Variants in TTYH1 observed in about 807,000 individuals in gnomAD.
TTYH1 encodes the protein tweety family member 1.
TTYH1 carries 33 observed loss-of-function variants against 61.2 expected under a neutral mutation model. The observed-to-expected ratio is 0.54, with a 90% CI of 0.41 to 0.72. The LOEUF (loss-of-function observed/expected upper bound fraction) is 0.72, where lower values mean the gene tolerates loss of function less well. Among genes scored for constraint, TTYH1 ranks in the 30% least tolerant of loss-of-function variants. The pLI is 0.00. For missense variants in TTYH1, 538 were observed against 575.8 expected (o/e 0.93, Z 0.67); for synonymous variants, 308 against 266.4 (o/e 1.16, Z -1.52).
Position 54,429,083 on chromosome 19 carries a change from C to T in TTYH1, c.735-224C>T, listed in dbSNP as rs2083383573. Among the ~76,000 whole-genome samples, 1 of 152,144 alleles carries T rather than the reference C, an allele frequency of 6.6e-6. No individual in the cohort carries two copies. Among genetic ancestry groups the T allele is most frequent in the African/African-American group, 2.4e-5 (1 of 41,452 alleles). ...CGACCACCCAGCCCAGGGCCCTGCT[C>T]ATACCCCACACCCTGCTCATCTGGG... On this transcript the variant is annotated intron_variant, in intron 5 of 13. Transcript: ENST00000376530. This position sits in a 1 kb window ranked among gnomAD's most constrained non-coding sequence, Gnocchi z 5.1.
chr19:54,418,781 A>C, intron 1 of TTYH1: 1 of 163,696 alleles, frequency 6.1e-6, no homozygotes, highest in Non-Finnish European at 1.3e-5. Context: ...GGTCCTTGGG[A>C]AAACCTCCAT....
chr19:54,422,274 C>A lies in TTYH1; in HGVS notation c.502C>A (p.Leu168Met). The A allele has an allele frequency of 6.4e-7, 1 of 1,567,102 alleles. No homozygotes were observed. Among genetic ancestry groups the A allele is most frequent in the Non-Finnish European group, 8.6e-7 (1 of 1,156,420 alleles). The stretch of plus-strand genomic sequence containing the variant: ...GGAGGTGCTCGAGCCGCGCACGGAG[C>A]TGGTGGCTGCCGCCCGAGGGGCTCG... ...LEEVLEPRTELVAAARGARRQ... is the reference protein window; with the variant it reads ...LEEVLEPRTEMVAAARGARRQ... Residue 168 changes from leucine to methionine, a missense_variant, in exon 4 of 14, where the codon CTG (leucine) becomes ATG (methionine). Physicochemically the swap from Leu to Met is conservative, Grantham distance 15. Transcript: ENST00000376530.
intron 1 of TTYH1, chr19:54,418,346 C>G (rs545867136): frequency 6.6e-6 from 1 of 152,514 alleles, no homozygotes; most frequent in South Asian, 2.1e-4. Context: ...CCATAGTGTT[C>G]TCACGCTCTC....
At chr19:54,428,130 T>C (rs974353523) in intron 5 of TTYH1, among the ~76,000 whole-genome samples, 1 of 144,660 alleles carries the variant, frequency 6.9e-6, no homozygotes, top group African/African-American at 2.6e-5. Context: ...GCTCTTGTTG[T>C]CCAGGCTGGA....
rs1048192852 is a variant in TTYH1 at position 54,416,310 on chromosome 19, T to C, written c.126+632T>C. The C allele has an allele frequency of 3.7e-6, 1 of 266,798 alleles. No homozygotes were observed. Among genetic ancestry groups the C allele is most frequent in the African/African-American group, 2.3e-5 (1 of 43,716 alleles). 16.5% of individuals were successfully genotyped at this position (266,798 alleles called of 1,614,324 possible). A position where few individuals can be genotyped will look rare whatever the true frequency, so the allele number is the denominator to read the frequency against. ...GGTGAGGGCCGAGATGAGGCTGGGT[T>C]TGGGGAGCCTCGGGATGACAGACCC... On this transcript the variant is annotated intron_variant, in intron 1 of 13. Coordinates refer to ENST00000376530, the MANE Select transcript of TTYH1 (RefSeq NM_020659.4). The surrounding 1 kb of genome is among the most constrained non-coding windows in gnomAD (Gnocchi z 7.0).
rs1027068873 is a variant in TTYH1, at chr19:54,419,580, G to C, written c.305+274G>C. 3.7e-5 allele frequency: 25 copies of C among 672,824 alleles called. No individual in the cohort carries two copies. In the Admixed American group the frequency reaches 5.1e-4, roughly 14 times the overall value. The allele number at this position is 672,824 out of a possible 1,614,324, so 41.7% of individuals were successfully genotyped here. A position where few individuals can be genotyped will look rare whatever the true frequency, so the allele number is the denominator to read the frequency against. ...AGGGGCAGTCAGATGGCCTGGTTTTGGTGGCTCTCCCATTGAATAGCTGTG... is the reference window on the plus strand; with the variant it reads ...AGGGGCAGTCAGATGGCCTGGTTTTCGTGGCTCTCCCATTGAATAGCTGTG... On this transcript the variant is annotated intron_variant, in intron 2 of 13. Transcript: ENST00000376530. The surrounding 1 kb of genome is among the most constrained non-coding windows in gnomAD (Gnocchi z 6.1).
rs1396431373 is a variant in TTYH1, at chr19:54,417,959, TAAA to T, written c.127-1166_127-1164del. Among the ~76,000 whole-genome samples the T allele has an allele frequency of 2.0e-5, 3 of 151,266 alleles. No individual in the cohort carries two copies. The East Asian group carries it at 5.9e-4, about 30-fold the overall frequency. ...TCATCTCATGGAGACAGCCCAAAGA[TAAA>T]AACATCCAGTCTCAACCAGAAACAC... On this transcript the variant is annotated intron_variant, in intron 1 of 13. Transcript: ENST00000376530.
At chr19:54,424,929 G>C (rs537121171) in intron 4 of TTYH1, among the ~76,000 whole-genome samples, 14 of 152,136 alleles carry the variant, frequency 9.2e-5, no homozygotes, top group Admixed American at 6.5e-4. Flanking sequence ...CAAGATCGTG[G>C]TGGCCACTTC....
In TTYH1 at chr19:54,429,837, C is replaced by T. The variant is rs778794297; in HGVS notation, c.808-45C>T. 15 of 1,561,762 alleles carry T rather than the reference C, an allele frequency of 9.6e-6. No homozygotes were observed. Among genetic ancestry groups the T allele is most frequent in the Admixed American group, 3.4e-5 (2 of 59,340 alleles). On this transcript the variant is annotated intron_variant, in intron 6 of 13. Coordinates refer to ENST00000376530, the MANE Select transcript of TTYH1 (RefSeq NM_020659.4). This position sits in a 1 kb window ranked among gnomAD's most constrained non-coding sequence, Gnocchi z 5.1. ...ACTGGGTGCTGTGGGAGTGTGGAAT[C>T]GGGGCAGTTTTGGGTTTGAGCCCCT...
chr19:54,425,246 G>A (rs1011741788), intron 4 of TTYH1, among the ~76,000 whole-genome samples: 4 of 152,132 alleles, frequency 2.6e-5, no homozygotes, highest in African/African-American at 4.8e-5. Context: ...GGTCTGCGAC[G>A]GCGGCAAACA....
chr19:54,417,745 A>G (rs1327486523), intron 1 of TTYH1, among the ~76,000 whole-genome samples: 3 of 151,820 alleles, frequency 2.0e-5, no homozygotes, highest in African/African-American at 4.8e-5. Context: ...CATATTGACT[A>G]TAGCATTCAT....
At position 54,429,853 on chromosome 19, in the gene TTYH1, T is replaced by A; in HGVS notation, c.808-29T>A. 6.2e-7 allele frequency: 1 copy of A among 1,609,556 alleles called. No individual in the cohort carries two copies. The highest frequency in any genetic ancestry group is 1.1e-5 in the South Asian group (1 of 90,854). ...GTGTGGAATCGGGGCAGTTTTGGGT[T>A]TGAGCCCCTTTTCTGCTGCCTCACG... On this transcript the variant is annotated intron_variant, in intron 6 of 13. Coordinates refer to ENST00000376530, the MANE Select transcript of TTYH1 (RefSeq NM_020659.4). The surrounding 1 kb of genome is among the most constrained non-coding windows in gnomAD (Gnocchi z 5.1).
rs369401625 is a variant in TTYH1, at chr19:54,430,860, G to A, written c.987G>A (p.Leu329=). The A allele has an allele frequency of 1.9e-6, 3 of 1,613,812 alleles. No individual in the cohort carries two copies. The highest frequency in any genetic ancestry group is 3.3e-5 in the Admixed American group (2 of 60,018). Residue 329 remains leucine, a synonymous_variant, in exon 9 of 14, where the codon CTG becomes CTA. Coordinates refer to ENST00000376530, the MANE Select transcript of TTYH1 (RefSeq NM_020659.4). ...QRALANIHSQ[L]LGLEREAVPQ... ...CTCTGGCCAACATCCACTCCCAGCT[G>A]CTGGGCCTGGAGCGAGAAGCTGTGC...
chr19:54,416,012 GTAGGTCTACTCTTCCTGCCC>G lies in TTYH1; in HGVS notation c.126+337_126+356del, dbSNP rs1433820021. ...GCCGGCCTCCAGGGTCATCGGGAGG[GTAGGTCTACTCTTCCTGCCC>G]TAAAAGATGACCCTGCCCCACAGGA... On this transcript the variant is annotated intron_variant, in intron 1 of 13. Coordinates refer to ENST00000376530, the MANE Select transcript of TTYH1 (RefSeq NM_020659.4). This position sits in a 1 kb window ranked among gnomAD's most constrained non-coding sequence, Gnocchi z 7.0. 8.2e-6 allele frequency: 11 copies of G among 1,335,666 alleles called. No homozygotes were observed. The highest frequency in any genetic ancestry group is 6.9e-6 in the Non-Finnish European group (7 of 1,009,536). The allele number at this position is 1,335,666 out of a possible 1,614,324, so 82.7% of individuals were successfully genotyped here. A position where few individuals can be genotyped will look rare whatever the true frequency, so the allele number is the denominator to read the frequency against.
intron 10 of TTYH1, chr19:54,431,682 G>A: frequency 1.1e-5 from 2 of 178,984 alleles, no homozygotes; most frequent in South Asian, 1.0e-4. Flanking sequence ...CACCTGTCCA[G>A]CTCCCCTGCG....
In TTYH1 at chr19:54,421,028, C is replaced by A. The variant is rs930277067; in HGVS notation, c.306-249C>A. On this transcript the variant is annotated intron_variant, in intron 2 of 13. Coordinates refer to ENST00000376530, the MANE Select transcript of TTYH1 (RefSeq NM_020659.4). The surrounding 1 kb of genome is among the most constrained non-coding windows in gnomAD (Gnocchi z 4.8). ...AGTTAAATCGGGGGCTCCCTCCCCC[C>A]CACCACTCCACCCACCATTAACATC... Among the ~76,000 whole-genome samples the A allele has an allele frequency of 6.6e-6, 1 of 152,116 alleles. No individual in the cohort carries two copies. The highest frequency in any genetic ancestry group is 1.5e-5 in the Non-Finnish European group (1 of 67,988).
At position 54,426,151 on chromosome 19, in the gene TTYH1, G is replaced by A. The variant is rs766465544; in HGVS notation, c.639-522G>A. Among the ~76,000 whole-genome samples the A allele has an allele frequency of 2.8e-5, 4 of 143,480 alleles. 1 individual carries two copies. The highest frequency in any genetic ancestry group is 4.7e-5 in the Non-Finnish European group (3 of 64,392). 94.1% of individuals were successfully genotyped at this position (143,480 alleles called of 152,430 possible). A position where few individuals can be genotyped will look rare whatever the true frequency, so the allele number is the denominator to read the frequency against. On this transcript the variant is annotated intron_variant, in intron 4 of 13. Coordinates refer to ENST00000376530, the MANE Select transcript of TTYH1 (RefSeq NM_020659.4). ...CTCGAGGCAATATTCTCAAGCCAGTGTTGTTGTGCTCCCCACGTTACATGT... is the reference window on the plus strand; with the variant it reads ...CTCGAGGCAATATTCTCAAGCCAGTATTGTTGTGCTCCCCACGTTACATGT...
rs1199753870 is a variant in TTYH1, at chr19:54,421,219, C to T, written c.306-58C>T. 4 of 1,151,826 alleles carry T rather than the reference C, an allele frequency of 3.5e-6. No individual in the cohort carries two copies. Among genetic ancestry groups the T allele is most frequent in the African/African-American group, 1.5e-5 (1 of 66,164 alleles). The allele number at this position is 1,151,826 out of a possible 1,614,324, so 71.4% of individuals were successfully genotyped here. A position where few individuals can be genotyped will look rare whatever the true frequency, so the allele number is the denominator to read the frequency against. ...GTGGAGGGGATGGGGTGGGAGGGGA[C>T]GGTGGCCCCCGGGGTCCTGGGACCC... On this transcript the variant is annotated intron_variant, in intron 2 of 13. Coordinates refer to ENST00000376530, the MANE Select transcript of TTYH1 (RefSeq NM_020659.4). The surrounding 1 kb of genome is among the most constrained non-coding windows in gnomAD (Gnocchi z 4.8).
chr19:54,431,419 C>T, intron 10 of TTYH1: 1 of 553,736 alleles, frequency 1.8e-6, no homozygotes, highest in South Asian at 2.2e-5. Context: ...CCTCCCTTTC[C>T]CCCCAACTCC....
Sources: allele counts gnomAD v4.1 joint callset (sites outside exome capture counted in the v4.1 genomes callset), GRCh38; gene constraint gnomAD v4.1.1; non-coding constraint Gnocchi (gnomAD v3.1); transcripts MANE v1.5; gene names NCBI Gene and HGNC (gene_info 2026-07-23, HGNC 2026-07-21).